Variants in GABRP observed in about 807,000 individuals in gnomAD.
The protein encoded by GABRP is gamma-aminobutyric acid type A receptor subunit pi, also known as gamma-aminobutyric acid receptor subunit pi.
GABRP carries 52 observed loss-of-function variants against 47.8 expected under a neutral mutation model. The ratio of observed to expected loss-of-function variants is 1.09; its 90% CI spans 0.87 to 1.37. GABRP has a LOEUF of 1.37. Among genes scored for constraint, GABRP ranks in the 40% most tolerant of loss-of-function variants. GABRP has a pLI of 0.00. For missense variants in GABRP, 525 were observed against 542.8 expected (o/e 0.97, Z 0.33); for synonymous variants, 221 against 205.8 (o/e 1.07, Z -0.63).
intron 6 of GABRP, among the ~76,000 whole-genome samples, chr5:170,798,418 C>T (rs888042058): frequency 3.3e-5 from 5 of 152,156 alleles, no homozygotes; most frequent in African/African-American, 4.8e-5. Flanking sequence ...ACTTCCCAAA[C>T]GTTTTAAACC....
At chr5:170,798,839 C>T (rs539039246) in intron 6 of GABRP, among the ~76,000 whole-genome samples, 2 of 151,928 alleles carry the variant, frequency 1.3e-5, no homozygotes, top group East Asian at 1.9e-4. Context: ...GGTACATGTG[C>T]ACAACATGCA....
chr5:170,800,685 C>A (rs1765568280), intron 6 of GABRP, among the ~76,000 whole-genome samples: 1 of 152,186 alleles, frequency 6.6e-6, no homozygotes, highest in Non-Finnish European at 1.5e-5. Context: ...GTGGCTCACG[C>A]CTATAATCCC....
chr5:170,790,585 A>C (rs1415312406), intron 3 of GABRP, among the ~76,000 whole-genome samples: 2 of 152,064 alleles, frequency 1.3e-5, no homozygotes, highest in Non-Finnish European at 2.9e-5. Context: ...CGGGAGAGGC[A>C]AGCTAGGAGA....
intron 6 of GABRP, among the ~76,000 whole-genome samples, chr5:170,803,788 G>GGTTGGTTT (rs1765656440): frequency 6.8e-6 from 1 of 147,940 alleles, no homozygotes. Flanking sequence ...TTGGTTGGTT[G>GGTTGGTTT]GTTTTGAGAC....
At chr5:170,807,863 A>T (rs139511908) in intron 7 of GABRP, among the ~76,000 whole-genome samples, 80 of 152,256 alleles carry the variant, frequency 5.3e-4, no homozygotes, top group Middle Eastern at 6.8e-3. Flanking sequence ...TTTTTCCCCA[A>T]CAACAATCTA....
intron 6 of GABRP, among the ~76,000 whole-genome samples, chr5:170,801,740 T>A (rs1327521577): frequency 1.3e-5 from 2 of 152,230 alleles, no homozygotes; most frequent in African/African-American, 4.8e-5. Context: ...CTGTGGTAGA[T>A]GTTTGCAATA....
At chr5:170,796,421 T>C (rs1390625214) in intron 5 of GABRP, among the ~76,000 whole-genome samples, 1 of 152,202 alleles carries the variant, frequency 6.6e-6, no homozygotes, top group Non-Finnish European at 1.5e-5. Context: ...TGTCTGTCTG[T>C]ATTATGGCAC....
intron 9 of GABRP, among the ~76,000 whole-genome samples, chr5:170,811,404 G>C (rs1765880154): frequency 6.6e-6 from 1 of 151,740 alleles, no homozygotes; most frequent in Non-Finnish European, 1.5e-5. Context: ...CACTATTTCT[G>C]CTTTGGTGGC....
intron 7 of GABRP, among the ~76,000 whole-genome samples, chr5:170,806,392 GATA>G (rs1765735137): frequency 6.6e-6 from 1 of 152,174 alleles, no homozygotes; most frequent in South Asian, 2.1e-4. Flanking sequence ...ACTTCCTTAT[GATA>G]ATATTAAGAA....
intron 5 of GABRP, 79 bp from the exon 6 acceptor site, chr5:170,797,387 T>C: frequency 1.2e-6 from 1 of 867,952 alleles, no homozygotes; most frequent in Non-Finnish European, 2.0e-6. Context: ...AAAGTCTTCT[T>C]TGAGTGGGCC....
chr5:170,802,842 C>T (rs1765631317), intron 6 of GABRP, among the ~76,000 whole-genome samples: 2 of 132,946 alleles, frequency 1.5e-5, no homozygotes, highest in South Asian at 4.7e-4. Context: ...CATATACCAT[C>T]CCCAGTGAGC....
intron 1 of GABRP, 130 bp downstream of exon 1, chr5:170,784,004 G>A (rs1476864669): frequency 6.6e-6 from 1 of 152,370 alleles, no homozygotes; most frequent in African/African-American, 2.4e-5. Flanking sequence ...GCATCAGGGA[G>A]CGCCACTGCA....
intron 6 of GABRP, among the ~76,000 whole-genome samples, chr5:170,800,538 GT>G (rs2127259982): frequency 6.6e-6 from 1 of 152,312 alleles, no homozygotes; most frequent in East Asian, 1.9e-4. Flanking sequence ...AGAGAGGCTA[GT>G]GAGGAAAGAC....
Position 170,797,541 on chromosome 5 carries a change from G to A in GABRP, c.534G>A (p.Leu178=). ...PMDTQTCKLQ[L]ESWGYDGNDV... is the part of the protein sequence containing the mutation. ...ACACACAGACATGCAAGTTGCAGCT[G>A]GAAAGCTGTAAGTATACATCCTACA... is the stretch of plus-strand genomic sequence containing the variant. Residue 178 remains leucine (L), a synonymous_variant, in exon 6 of 10, where the codon CTG becomes CTA. Transcript: ENST00000265294. 2.5e-6 allele frequency: 4 copies of A among 1,601,076 alleles called. No homozygotes were observed. Among genetic ancestry groups the A allele is most frequent in the Non-Finnish European group, 3.4e-6 (4 of 1,168,206 alleles).
chr5:170,807,387 T>C (rs1765762883), intron 7 of GABRP, among the ~76,000 whole-genome samples: 1 of 152,252 alleles, frequency 6.6e-6, no homozygotes. Context: ...GTTGGGTTCA[T>C]ATAAAAAATG....
chr5:170,794,214 G>GTT lies in GABRP; in HGVS notation c.173-9_173-8dup. The GTT allele has an allele frequency of 2.6e-6, 4 of 1,510,756 alleles. No individual in the cohort carries two copies. The highest frequency in any genetic ancestry group is 3.6e-6 in the Non-Finnish European group (4 of 1,101,556). 93.6% of individuals were successfully genotyped at this position (1,510,756 alleles called of 1,614,324 possible). ...CATGGTTGTGTTTCCATTCTTTCTTGTTTTTTTTTATCTTAGGAGAACCCG... is the reference window on the plus strand; with the variant it reads ...CATGGTTGTGTTTCCATTCTTTCTTGTTTTTTTTTTTATCTTAGGAGAACCCG... On this transcript the variant is annotated splice_polypyrimidine_tract_variant and intron_variant, in intron 3 of 9. Coordinates refer to ENST00000265294, the MANE Select transcript of GABRP (RefSeq NM_014211.3).
At chr5:170,789,088 A>G in intron 2 of GABRP, 41 bp from the exon 3 acceptor site, 12 of 1,503,202 alleles carry the variant, frequency 8.0e-6, no homozygotes, top group Non-Finnish European at 1.1e-5. Flanking sequence ...GTTGATTCAC[A>G]CATAAACAAG....
rs1318106954 is a variant in GABRP, at chr5:170,812,233, A to G, written c.1298A>G (p.Tyr433Cys). The G allele has an allele frequency of 1.2e-6, 2 of 1,612,528 alleles. No individual in the cohort carries two copies. Among genetic ancestry groups the G allele is most frequent in the African/African-American group, 1.3e-5 (1 of 74,832 alleles). Residue 433 changes from tyrosine (Y) to cysteine (C), a missense_variant, in exon 10 of 10, where the codon TAC becomes TGC. Transcript: ENST00000265294. The part of the protein sequence containing the change: ...PLIFMLANVF[Y>C]WAYYMYF The stretch of plus-strand genomic sequence containing the variant: ...ATTTTTATGCTAGCCAATGTATTTT[A>G]CTGGGCATACTACATGTATTTTTGA...
chr5:170,783,547 A>T (rs1202192972), upstream of GABRP: 1 of 152,230 alleles, frequency 6.6e-6, no homozygotes, highest in African/African-American at 2.4e-5. Flanking sequence ...TCTCAGAATC[A>T]AACCCCTGGA....
Sources: allele counts gnomAD v4.1 joint callset (sites outside exome capture counted in the v4.1 genomes callset), GRCh38; gene constraint gnomAD v4.1.1; transcripts MANE v1.5; gene names NCBI Gene and HGNC (gene_info 2026-07-23, HGNC 2026-07-21).